BAZ1B: variants seen among roughly 807,000 people sequenced by gnomAD.
The protein encoded by BAZ1B is bromodomain adjacent to zinc finger domain 1B, also known as tyrosine-protein kinase BAZ1B.
A neutral mutation model predicts 153.8 loss-of-function variants in BAZ1B; 22 were observed. The observed-to-expected ratio is 0.14, with a 90% CI of 0.10 to 0.20. The LOEUF (loss-of-function observed/expected upper bound fraction) is 0.20, where lower values mean the gene tolerates loss of function less well. Ranked by LOEUF, BAZ1B falls within the 10% of genes least tolerant of loss-of-function variation. BAZ1B has a pLI of 1.00. For synonymous variants in BAZ1B, 676 were observed against 633.4 expected (o/e 1.07, Z -1.01); for missense variants, 1,325 against 1,799.3 (o/e 0.74, Z 4.77).
intron 5 of BAZ1B, among the ~76,000 whole-genome samples, chr7:73,490,601 C>T (rs924658062): frequency 1.3e-5 from 2 of 151,368 alleles, no homozygotes; most frequent in African/African-American, 4.9e-5. Flanking sequence ...GTGGTTAAAA[C>T]TAAGCATTTT....
At chr7:73,445,347 C>T (rs1243130939) in intron 16 of BAZ1B, among the ~76,000 whole-genome samples, 3 of 152,164 alleles carry the variant, frequency 2.0e-5, no homozygotes, top group African/African-American at 4.8e-5. Context: ...GAATCTGATG[C>T]TTAGGTGCTA....
At chr7:73,509,472 C>A (rs782103747) in intron 2 of BAZ1B, among the ~76,000 whole-genome samples, 1 of 152,054 alleles carries the variant, frequency 6.6e-6, no homozygotes, top group Non-Finnish European at 1.5e-5. Flanking sequence ...TGGGTCCCAG[C>A]ACTTTGAAAG....
At chr7:73,518,055 G>A (rs925732214) in intron 1 of BAZ1B, among the ~76,000 whole-genome samples, 2 of 152,124 alleles carry the variant, frequency 1.3e-5, no homozygotes, top group Non-Finnish European at 2.9e-5. Context: ...ACTCCAGACT[G>A]TCTTTAAGTT....
chr7:73,478,995 C>T (rs1789098345), intron 6 of BAZ1B, among the ~76,000 whole-genome samples: 1 of 152,138 alleles, frequency 6.6e-6, no homozygotes, highest in Non-Finnish European at 1.5e-5. Context: ...GTTCTTGAAA[C>T]AAGACTGAAT....
Position 73,469,559 on chromosome 7 carries a change from T to C in BAZ1B, c.2824A>G (p.Lys942Glu), listed in dbSNP as rs782225414. 1.9e-6 allele frequency: 3 copies of C among 1,614,090 alleles called. No individual in the cohort carries two copies. Among genetic ancestry groups the C allele is most frequent in the East Asian group, 2.2e-5 (1 of 44,886 alleles). ...TCATCACCAGAGACTGTGTGGTCTT[T>C]GCAGTGATGGTTGAATCGGTAGTCA... Reference protein sequence around the residue: ...SIDYRFNHHCKDHTVSGDEDY... With the variant: ...SIDYRFNHHCEDHTVSGDEDY... Residue 942 changes from lysine (K) to glutamate (E), a missense_variant, in exon 9 of 20, where the codon AAA becomes GAA. Coordinates refer to ENST00000339594, the MANE Select transcript of BAZ1B (RefSeq NM_032408.4).
intron 13 of BAZ1B, among the ~76,000 whole-genome samples, chr7:73,456,360 G>A (rs1788198743): frequency 6.6e-6 from 1 of 152,172 alleles, no homozygotes; most frequent in Non-Finnish European, 1.5e-5. Flanking sequence ...TCAACAGAAT[G>A]AAAAGGCTAC....
intron 3 of BAZ1B, among the ~76,000 whole-genome samples, chr7:73,504,324 G>C (rs528267270): frequency 1.3e-5 from 2 of 152,230 alleles, no homozygotes; most frequent in Non-Finnish European, 2.9e-5. Flanking sequence ...TCTGAAACCA[G>C]CCTGGACAAC....
At chr7:73,494,199 T>C (rs1278972014) in intron 4 of BAZ1B, among the ~76,000 whole-genome samples, 1 of 151,784 alleles carries the variant, frequency 6.6e-6, no homozygotes, top group Non-Finnish European at 1.5e-5. Context: ...CTGGCCAGCA[T>C]GGTGAAACCC....
At chr7:73,500,612 C>T (rs1016288902) in intron 3 of BAZ1B, among the ~76,000 whole-genome samples, 1 of 152,034 alleles carries the variant, frequency 6.6e-6, no homozygotes, top group Non-Finnish European at 1.5e-5. Context: ...CAAACCAAGC[C>T]GGGCACAGTG....
At chr7:73,494,225 T>A (rs574043274) in intron 4 of BAZ1B, among the ~76,000 whole-genome samples, 1 of 150,960 alleles carries the variant, frequency 6.6e-6, no homozygotes, top group Admixed American at 6.6e-5. Flanking sequence ...CTACAAAAAA[T>A]AGAAAAAATT....
intron 17 of BAZ1B, among the ~76,000 whole-genome samples, chr7:73,443,734 A>G (rs968840656): frequency 6.6e-6 from 1 of 152,118 alleles, no homozygotes; most frequent in Non-Finnish European, 1.5e-5. Context: ...TAAATCCTTA[A>G]TAAGTTGCAG....
rs781905862 is a variant in BAZ1B at position 73,463,147 on chromosome 7, G to A, written c.3072-48C>T. The A allele has an allele frequency of 1.5e-5, 23 of 1,487,332 alleles. No individual in the cohort carries two copies. In the East Asian group the frequency reaches 5.1e-4, roughly 33 times the overall value. The allele number at this position is 1,487,332 out of a possible 1,614,324, so 92.1% of individuals were successfully genotyped here. Reference sequence around the variant, plus strand: ...ATGGGGAAAGAAACAAACTTTTGAAGATGTTCTTCAAATTTCAATTACTTA... The same window carrying A: ...ATGGGGAAAGAAACAAACTTTTGAAAATGTTCTTCAAATTTCAATTACTTA... On this transcript the variant is annotated intron_variant, in intron 11 of 19. Transcript: ENST00000339594.
intron 7 of BAZ1B, among the ~76,000 whole-genome samples, chr7:73,472,095 C>T (rs1788826624): frequency 3.9e-5 from 6 of 152,124 alleles, no homozygotes; most frequent in Admixed American, 3.9e-4. Context: ...CTCTTGTTTC[C>T]ATACAAATAA....
chr7:73,501,106 AT>A (rs1554577064), intron 3 of BAZ1B, among the ~76,000 whole-genome samples: 1 of 151,712 alleles, frequency 6.6e-6, no homozygotes, highest in Non-Finnish European at 1.5e-5. Flanking sequence ...AAAATACAAA[AT>A]TAGCTGGGTG....
intron 7 of BAZ1B, among the ~76,000 whole-genome samples, chr7:73,472,573 T>C (rs183145171): frequency 1.0e-3 from 158 of 152,244 alleles, no homozygotes; most frequent in Non-Finnish European, 1.6e-3. Context: ...TTATACTTTC[T>C]TGATAGGTAT....
At chr7:73,470,923 C>A (rs570150288) in intron 7 of BAZ1B, among the ~76,000 whole-genome samples, 1 of 152,108 alleles carries the variant, frequency 6.6e-6, no homozygotes, top group African/African-American at 2.4e-5. Context: ...TTAGTAGAGA[C>A]GGGGTTTCCC....
intron 6 of BAZ1B, 63 bp downstream of exon 6, chr7:73,489,131 C>T (rs567491364): frequency 2.0e-6 from 3 of 1,499,978 alleles, no homozygotes; most frequent in African/African-American, 1.4e-5. Flanking sequence ...TATAAATATA[C>T]TGGAGCCATC....
intron 12 of BAZ1B, among the ~76,000 whole-genome samples, chr7:73,461,978 G>GC (rs1788411895): frequency 6.6e-6 from 1 of 152,196 alleles, no homozygotes; most frequent in Non-Finnish European, 1.5e-5. Context: ...TGTTGCCCAG[G>GC]CTGGTCTCGA....
chr7:73,516,979 C>A (rs1338435155), intron 1 of BAZ1B, among the ~76,000 whole-genome samples: 1 of 150,166 alleles, frequency 6.7e-6, no homozygotes, highest in African/African-American at 2.5e-5. Flanking sequence ...GTCAGGAGTT[C>A]GAGACCAGCC....
Sources: gnomAD v4.1 joint callset for allele counts (sites outside exome capture counted in the v4.1 genomes callset) on GRCh38, gnomAD v4.1.1 for gene constraint, MANE v1.5 for transcripts, NCBI Gene and HGNC (gene_info 2026-07-23, HGNC 2026-07-21) for gene names.